OPCML: variants seen among roughly 807,000 people sequenced by gnomAD.
The protein encoded by OPCML is opioid binding protein/cell adhesion molecule like.
In OPCML, 13 loss-of-function variants were observed where a neutral mutation model predicts 37.8. That is an observed-to-expected ratio of 0.34 (90% CI 0.22 to 0.55). The LOEUF (loss-of-function observed/expected upper bound fraction) is 0.55, where lower values mean the gene tolerates loss of function less well. OPCML is among the 20% of genes least tolerant of loss of function. The pLI, the probability that OPCML is intolerant of heterozygous loss-of-function variation, is 0.91. For missense variants in OPCML, 341 were observed against 435.6 expected (o/e 0.78, Z 1.93); for synonymous variants, 176 against 168.8 (o/e 1.04, Z -0.33).
chr11:133,286,779 C>A (rs1377969163), intron 1 of OPCML, among the ~76,000 whole-genome samples: 1 of 152,072 alleles, frequency 6.6e-6, no homozygotes, highest in Non-Finnish European at 1.5e-5. Flanking sequence ...ATAAAAGGAA[C>A]AACATTGGTT....
chr11:133,179,747 A>C (rs1937733374), intron 1 of OPCML, among the ~76,000 whole-genome samples: 1 of 152,236 alleles, frequency 6.6e-6, no homozygotes, highest in African/African-American at 2.4e-5. Flanking sequence ...TGTTGGAACT[A>C]CACCTCGAAG....
At chr11:133,372,386 A>T (rs1208380484) in intron 1 of OPCML, among the ~76,000 whole-genome samples, 1 of 152,128 alleles carries the variant, frequency 6.6e-6, no homozygotes, top group African/African-American at 2.4e-5. Context: ...TTTTCATCTG[A>T]AAAATTGGTA....
intron 2 of OPCML, among the ~76,000 whole-genome samples, chr11:132,767,847 G>C (rs1946505870): frequency 6.6e-6 from 1 of 151,892 alleles, no homozygotes; most frequent in Non-Finnish European, 1.5e-5. Flanking sequence ...ATTAAATATG[G>C]GGGAAAAACC....
chr11:132,883,865 G>A (rs939507156), intron 2 of OPCML, among the ~76,000 whole-genome samples: 1 of 152,210 alleles, frequency 6.6e-6, no homozygotes, highest in Non-Finnish European at 1.5e-5. Context: ...GCAAAACTGA[G>A]TCCTGGATCT....
At position 132,932,794 on chromosome 11, in the gene OPCML, T is replaced by A. The variant is rs867115875; in HGVS notation, c.146+10132A>T. 2.6e-5 allele frequency among the ~76,000 whole-genome samples: 4 copies of A among 151,670 alleles called. No individual in the cohort carries two copies. In the South Asian group the frequency reaches 8.3e-4, roughly 32 times the overall value. On this transcript the variant is annotated intron_variant, in intron 2 of 7. Coordinates refer to ENST00000524381, the MANE Select transcript of OPCML (RefSeq NM_001012393.5). The stretch of plus-strand genomic sequence containing the variant: ...CTCTTGCTGCAATGTAAAACTTTAA[T>A]CTGAAATCTTTACAAACTTGGTATC...
At chr11:132,881,287 G>A (rs971348024) in intron 2 of OPCML, among the ~76,000 whole-genome samples, 2 of 152,226 alleles carry the variant, frequency 1.3e-5, no homozygotes, top group Non-Finnish European at 2.9e-5. Flanking sequence ...ATGCTGAATT[G>A]GAGTCTGGGG....
In OPCML at chr11:132,901,123, G is replaced by C. The variant is rs188489136; in HGVS notation, c.146+41803C>G. On this transcript the variant is annotated intron_variant, in intron 2 of 7. Coordinates refer to ENST00000524381, the MANE Select transcript of OPCML (RefSeq NM_001012393.5). ...TGAACCCGGGAGGCGGAGGTTACAG[G>C]GAGCCACCATCATGCCACTGCACTC... Among the ~76,000 whole-genome samples, 321 of 151,994 alleles carry C rather than the reference G, an allele frequency of 2.1e-3. 3 individuals carry two copies. The highest frequency in any genetic ancestry group is 3.4e-3 in the Middle Eastern group (1 of 294).
At chr11:132,583,340 C>A (rs1236390190) in intron 3 of OPCML, among the ~76,000 whole-genome samples, 1 of 152,020 alleles carries the variant, frequency 6.6e-6, no homozygotes, top group Non-Finnish European at 1.5e-5. Context: ...GCTCTGTTGG[C>A]CAGACTGGAG....
chr11:132,846,607 G>GCAGC (rs1471417294), intron 2 of OPCML, among the ~76,000 whole-genome samples: 2 of 152,328 alleles, frequency 1.3e-5, no homozygotes, highest in Non-Finnish European at 2.9e-5. Flanking sequence ...TAGGATTGAA[G>GCAGC]CAGCTTTAAC....
intron 2 of OPCML, among the ~76,000 whole-genome samples, chr11:132,831,710 C>T (rs960991721): frequency 1.1e-4 from 17 of 148,396 alleles, no homozygotes; most frequent in Non-Finnish European, 1.2e-4. Flanking sequence ...TCCCCCAACA[C>T]AACTCTTCCC....
chr11:133,049,956 T>TA (rs1948099745), intron 1 of OPCML, among the ~76,000 whole-genome samples: 1 of 152,240 alleles, frequency 6.6e-6, no homozygotes, highest in African/African-American at 2.4e-5. Flanking sequence ...GGTGCTCCTG[T>TA]ACAAGGATTT....
At position 132,826,189 on chromosome 11, in the gene OPCML, T is replaced by C. The variant is rs1940321529; in HGVS notation, c.146+116737A>G. 2.6e-5 allele frequency among the ~76,000 whole-genome samples: 4 copies of C among 152,316 alleles called. No homozygotes were observed. The South Asian group carries it at 6.2e-4, about 24-fold the overall frequency. ...CTGTGTGCTTCTACACCCTTAAGTA[T>C]GCATGCTTGTCTGTCACACAGTTAG... On this transcript the variant is annotated intron_variant, in intron 2 of 7. Transcript: ENST00000524381.
chr11:132,977,381 C>A (rs1459757666), intron 1 of OPCML, among the ~76,000 whole-genome samples: 3 of 152,158 alleles, frequency 2.0e-5, no homozygotes, highest in Non-Finnish European at 4.4e-5. Flanking sequence ...GTGTCAATAA[C>A]AACTAAATAA....
intron 2 of OPCML, among the ~76,000 whole-genome samples, chr11:132,753,558 G>A (rs1375753926): frequency 1.3e-5 from 2 of 151,346 alleles, no homozygotes; most frequent in Non-Finnish European, 2.9e-5. Flanking sequence ...ACCCATTATT[G>A]CACATATATA....
chr11:132,555,317 A>G (rs751853192), intron 3 of OPCML, among the ~76,000 whole-genome samples: 2 of 152,182 alleles, frequency 1.3e-5, no homozygotes, highest in African/African-American at 2.4e-5. Context: ...GAAAAGGCAC[A>G]TCTTACACGG....
intron 1 of OPCML, among the ~76,000 whole-genome samples, chr11:133,367,486 G>A (rs1163150511): frequency 3.9e-5 from 6 of 152,156 alleles, no homozygotes; most frequent in Non-Finnish European, 7.3e-5. Flanking sequence ...TTTGAAGATG[G>A]CACCACTTTC....
intron 1 of OPCML, among the ~76,000 whole-genome samples, chr11:133,093,511 G>A (rs113647326): frequency 6.6e-5 from 10 of 152,122 alleles, no homozygotes; most frequent in Admixed American, 2.6e-4. Context: ...CAGCACAAAC[G>A]TAGGTAATTT....
At chr11:132,852,395 C>A (rs116400054) in intron 2 of OPCML, among the ~76,000 whole-genome samples, 3,913 of 152,262 alleles carry the variant, frequency 0.026, 158 homozygotes, top group African/African-American at 0.087. Context: ...GTGTGACCTG[C>A]AGACCCCATG....
At chr11:133,497,842 T>A (rs1195595511) in intron 1 of OPCML, among the ~76,000 whole-genome samples, 1 of 152,214 alleles carries the variant, frequency 6.6e-6, no homozygotes, top group African/African-American at 2.4e-5. Context: ...AATCCATTAA[T>A]CCTCTTTATT....
Sources: gnomAD v4.1 joint callset for allele counts (sites outside exome capture counted in the v4.1 genomes callset) on GRCh38, gnomAD v4.1.1 for gene constraint, MANE v1.5 for transcripts, NCBI Gene and HGNC (gene_info 2026-07-23, HGNC 2026-07-21) for gene names.